THRB: variants seen among roughly 807,000 people sequenced by gnomAD.
The protein encoded by THRB is thyroid hormone receptor beta, also known as nuclear receptor subfamily 1 group A member 2.
A neutral mutation model predicts 47.8 loss-of-function variants in THRB; 12 were observed. That is an observed-to-expected ratio of 0.25 (90% confidence interval 0.16 to 0.41). THRB has a LOEUF of 0.41. Among genes scored for constraint, THRB ranks in the 10% least tolerant of loss-of-function variants. The probability of loss-of-function intolerance (pLI) is 1.00; values close to 1 mark genes in which losing one functional copy is unlikely to be tolerated. For synonymous variants in THRB, 218 were observed against 212.2 expected, an observed-to-expected ratio of 1.03 and a Z score of -0.24; for missense variants, 348 against 589.2, an observed-to-expected ratio of 0.59 and a Z score of 4.24.
intron 1 of THRB, among the ~76,000 whole-genome samples, chr3:24,452,961 C>T (rs116697300): frequency 0.43 from 21,835 of 50,994 alleles, 2,045 homozygotes; most frequent in Non-Finnish European, 0.55. Context: ...CTACTTGAAG[C>T]CCGACATCTC....
chr3:24,381,871 C>G (rs563508097), intron 1 of THRB, among the ~76,000 whole-genome samples: 8 of 151,760 alleles, frequency 5.3e-5, no homozygotes, highest in African/African-American at 1.9e-4. Context: ...TTTACAGATA[C>G]AATCTTTAGA....
intron 9 of THRB, among the ~76,000 whole-genome samples, chr3:24,129,939 C>G (rs2033564437): frequency 6.6e-6 from 1 of 152,186 alleles, no homozygotes; most frequent in Admixed American, 6.5e-5. Context: ...ATCATGAACA[C>G]AGTTTGAATA....
chr3:24,254,949 A>C (rs566646865), intron 3 of THRB, among the ~76,000 whole-genome samples: 11 of 152,336 alleles, frequency 7.2e-5, no homozygotes, highest in Non-Finnish European at 1.2e-4. Flanking sequence ...TATGAATCAG[A>C]AGCCACTAGT....
chr3:24,450,364 A>G (rs891804805), intron 1 of THRB, among the ~76,000 whole-genome samples: 2 of 152,210 alleles, frequency 1.3e-5, no homozygotes, highest in Admixed American at 6.5e-5. Context: ...CCCTCACAAA[A>G]GCTGATATGC....
At chr3:24,455,851 G>C in intron 1 of THRB, among the ~76,000 whole-genome samples, 1 of 152,124 alleles carries the variant, frequency 6.6e-6, no homozygotes, top group East Asian at 1.9e-4. Flanking sequence ...GCTCAGTGTT[G>C]GTTTAGGTGG....
chr3:24,124,053 C>T (rs138778439), intron 10 of THRB, among the ~76,000 whole-genome samples: 1 of 152,172 alleles, frequency 6.6e-6, no homozygotes, highest in Non-Finnish European at 1.5e-5. Flanking sequence ...GCCCAACGTG[C>T]CCCTGCTAAG....
chr3:24,353,858 C>T (rs1352624192), intron 1 of THRB, among the ~76,000 whole-genome samples: 4 of 151,970 alleles, frequency 2.6e-5, no homozygotes, highest in African/African-American at 9.7e-5. Context: ...AAGATGAGGG[C>T]AAGTCATCTC....
At chr3:24,284,155 G>A (rs1417692610) in intron 3 of THRB, among the ~76,000 whole-genome samples, 1 of 148,738 alleles carries the variant, frequency 6.7e-6, no homozygotes, top group African/African-American at 2.5e-5. Flanking sequence ...AAAGCTGGAG[G>A]CATCACACTA....
In THRB at chr3:24,370,860, A is replaced by G. The variant is rs1505288; in HGVS notation, c.-260-33489T>C. 6.6e-3 allele frequency among the ~76,000 whole-genome samples: 1,011 copies of G among 152,294 alleles called. 10 individuals carry two copies. The highest frequency in any genetic ancestry group is 0.019 in the African/African-American group (798 of 41,586). On this transcript the variant is annotated intron_variant, in intron 1 of 10. Coordinates refer to ENST00000646209, the MANE Select transcript of THRB (RefSeq NM_001354712.2). ...AATGGCATTGCTGGTCAAGATCCCA[A>G]CTGAAGTCGTCATTTGAATTTAGGC...
chr3:24,254,831 A>G (rs967458084), intron 3 of THRB, among the ~76,000 whole-genome samples: 2 of 152,332 alleles, frequency 1.3e-5, no homozygotes, highest in South Asian at 4.1e-4. Context: ...CCAATGACTT[A>G]GTTTCTGTGG....
chr3:24,243,059 C>T (rs1421990860), intron 3 of THRB, among the ~76,000 whole-genome samples: 3 of 123,672 alleles, frequency 2.4e-5, no homozygotes, highest in East Asian at 4.7e-4. Context: ...AAATCACCTG[C>T]GCACCTTTGA....
chr3:24,458,094 G>A (rs148238313), intron 1 of THRB: 5 of 152,200 alleles, frequency 3.3e-5, no homozygotes, highest in Non-Finnish European at 5.9e-5. Context: ...GTCCACACTC[G>A]GAATAGGAAG....
rs146450664 is a variant in THRB at position 24,431,208 on chromosome 3, G to A, written c.-261+63444C>T. On this transcript the variant is annotated intron_variant, in intron 1 of 10. Transcript: ENST00000646209. ...TGAAATAGTAAGCCAAAAATTGGGA[G>A]AACTTTGCAACACCTAAAAATGACA... is the stretch of plus-strand genomic sequence containing the variant. 7.3e-5 allele frequency: 11 copies of A among 151,268 alleles called. No homozygotes were observed. In the East Asian group the frequency reaches 2.1e-3, roughly 29 times the overall value. 9.4% of individuals were successfully genotyped at this position (151,268 alleles called of 1,614,324 possible). A position where few individuals can be genotyped will look rare whatever the true frequency, so the allele number is the denominator to read the frequency against.
chr3:24,183,350 C>T (rs11926164), intron 5 of THRB, among the ~76,000 whole-genome samples: 5,753 of 141,666 alleles, frequency 0.041, 311 homozygotes, highest in African/African-American at 0.12. Flanking sequence ...TTCTTTTCTT[C>T]TTTTTCTTTT....
intron 1 of THRB, among the ~76,000 whole-genome samples, chr3:24,435,774 G>A (rs561106867): frequency 6.6e-6 from 1 of 152,300 alleles, no homozygotes; most frequent in South Asian, 2.1e-4. Context: ...GCCCAGGAAT[G>A]AAACCAAAGC....
chr3:24,195,859 G>A (rs2043895015), intron 4 of THRB, among the ~76,000 whole-genome samples: 1 of 152,182 alleles, frequency 6.6e-6, no homozygotes, highest in South Asian at 2.1e-4. Flanking sequence ...TTTGAGGGAG[G>A]CCTTTCCTGA....
chr3:24,468,418 AT>A (rs1332712727), intron 1 of THRB, among the ~76,000 whole-genome samples: 1 of 152,166 alleles, frequency 6.6e-6, no homozygotes, highest in Non-Finnish European at 1.5e-5. Context: ...CTTTTGACCT[AT>A]TTCAGCTTTT....
intron 8 of THRB, among the ~76,000 whole-genome samples, chr3:24,140,286 A>G (rs1036494722): frequency 2.0e-5 from 3 of 152,168 alleles, no homozygotes; most frequent in African/African-American, 7.2e-5. Flanking sequence ...TGTTCTGGTT[A>G]TTTATTGCTG....
In THRB at chr3:24,122,564, G is replaced by C. The variant is rs1197034827; in HGVS notation, c.*320C>G. ...CTTTAGTGTCCTGTGGCGCCATTTT[G>C]CTGACTCAAGTCTTGGACCAGGGAC... is the stretch of plus-strand genomic sequence containing the variant. On this transcript the variant is annotated 3_prime_UTR_variant, in exon 11 of 11. Transcript: ENST00000646209. 1 of 406,192 alleles carries C rather than the reference G, an allele frequency of 2.5e-6. No individual in the cohort carries two copies. The highest frequency in any genetic ancestry group is 4.6e-6 in the Non-Finnish European group (1 of 215,818). 25.2% of individuals were successfully genotyped at this position (406,192 alleles called of 1,614,324 possible). A position where few individuals can be genotyped will look rare whatever the true frequency, so the allele number is the denominator to read the frequency against.
Sources: gnomAD v4.1 joint callset for allele counts (sites outside exome capture counted in the v4.1 genomes callset) on GRCh38, gnomAD v4.1.1 for gene constraint, MANE v1.5 for transcripts, NCBI Gene and HGNC (gene_info 2026-07-23, HGNC 2026-07-21) for gene names.